The following SDK1 variants were observed in gnomAD, a reference collection of about 807,000 sequenced individuals.
The protein encoded by SDK1 is sidekick cell adhesion molecule 1, also known as protein sidekick-1.
Under a neutral mutation model 245.5 loss-of-function variants are expected in SDK1, and 157 were observed. That is an observed-to-expected ratio of 0.64 (90% CI 0.56 to 0.73). SDK1 has a LOEUF of 0.73. Among genes scored for constraint, SDK1 ranks in the 30% least tolerant of loss-of-function variants. The pLI is 0.00. For synonymous variants in SDK1, 1,647 were observed against 1,278.5 expected (o/e 1.29, Z -6.15); for missense variants, 3,583 against 3,002.3 (o/e 1.19, Z -4.52).
chr7:3,535,625 G>C (rs1042665590), intron 1 of SDK1, among the ~76,000 whole-genome samples: 1 of 152,118 alleles, frequency 6.6e-6, no homozygotes, highest in African/African-American at 2.4e-5. Context: ...CCTTATATTT[G>C]TAATATTCCC....
At chr7:4,230,666 GGGAA>G (rs1348595751) in intron 40 of SDK1, among the ~76,000 whole-genome samples, 1 of 150,940 alleles carries the variant, frequency 6.6e-6, no homozygotes, top group Non-Finnish European at 1.5e-5. Context: ...GATAGCTGGA[GGGAA>G]GGAAGGAAGA....
chr7:3,850,381 A>C (rs1432579008), intron 5 of SDK1, among the ~76,000 whole-genome samples: 1 of 152,232 alleles, frequency 6.6e-6, no homozygotes, highest in Non-Finnish European at 1.5e-5. Flanking sequence ...TCTGGAATGA[A>C]AATAAGATGC....
In SDK1 at chr7:4,049,987, T is replaced by C. The variant is rs190110018; in HGVS notation, c.2718+524T>C. Among the ~76,000 whole-genome samples the C allele has an allele frequency of 9.8e-5, 15 of 152,306 alleles. No individual in the cohort carries two copies. In the East Asian group the frequency reaches 1.5e-3, roughly 16 times the overall value. On this transcript the variant is annotated intron_variant, in intron 18 of 44. Transcript: ENST00000404826. ...AATTTCCATCATCCGACTTCTTGTG[T>C]CTTTAGCTACCAGAGTGTGTTAACT...
At chr7:3,541,649 A>G (rs774871838) in intron 1 of SDK1, among the ~76,000 whole-genome samples, 12 of 152,164 alleles carry the variant, frequency 7.9e-5, no homozygotes, top group Non-Finnish European at 1.6e-4. Flanking sequence ...TCTCTTCCAC[A>G]TGACTGTGTA....
intron 4 of SDK1, among the ~76,000 whole-genome samples, chr7:3,813,524 G>C (rs1455531256): frequency 6.7e-6 from 1 of 148,252 alleles, no homozygotes; most frequent in Non-Finnish European, 1.5e-5. Flanking sequence ...TTGGACATTT[G>C]GGTTGGTTCC....
chr7:4,058,374 A>G (rs933961980), intron 19 of SDK1, among the ~76,000 whole-genome samples: 3 of 152,214 alleles, frequency 2.0e-5, no homozygotes, highest in African/African-American at 7.2e-5. Context: ...AGGAATGAGT[A>G]TTTGAATTTT....
At chr7:3,392,855 A>T (rs1383471127) in intron 1 of SDK1, among the ~76,000 whole-genome samples, 4 of 151,366 alleles carry the variant, frequency 2.6e-5, no homozygotes, top group African/African-American at 4.9e-5. Flanking sequence ...TCGTGTATTC[A>T]TTCATTTGTT....
intron 4 of SDK1, among the ~76,000 whole-genome samples, chr7:3,768,421 A>T (rs1780316962): frequency 1.3e-5 from 2 of 152,234 alleles, no homozygotes; most frequent in South Asian, 2.1e-4. Context: ...TTTAAGGAAA[A>T]TAAATAAAAA....
intron 4 of SDK1, among the ~76,000 whole-genome samples, chr7:3,647,288 CT>C (rs1001360249): frequency 5.9e-5 from 9 of 151,516 alleles, no homozygotes; most frequent in East Asian, 3.9e-4. Flanking sequence ...TTTTAATTGT[CT>C]TTTTTTTTCC....
At chr7:3,678,755 A>C (rs1225458510) in intron 4 of SDK1, among the ~76,000 whole-genome samples, 7 of 152,212 alleles carry the variant, frequency 4.6e-5, no homozygotes, top group Non-Finnish European at 7.4e-5. Flanking sequence ...GAAATTGTAG[A>C]CTTTAAAATC....
chr7:3,741,987 CATATATATATATAT>C (rs142076799), intron 4 of SDK1, among the ~76,000 whole-genome samples: 67 of 132,124 alleles, frequency 5.1e-4, no homozygotes, highest in African/African-American at 1.9e-3. Context: ...TTGTAGTGTG[CATATATATATATAT>C]ATATATATAT....
Position 3,365,701 on chromosome 7 carries a change from A to T in SDK1, c.298+63817A>T, listed in dbSNP as rs541565776. Among the ~76,000 whole-genome samples, 45 of 152,308 alleles carry T rather than the reference A, an allele frequency of 3.0e-4. 1 individual carries two copies. The highest frequency in any genetic ancestry group is 6.0e-4 in the Non-Finnish European group (41 of 68,030). On this transcript the variant is annotated intron_variant, in intron 1 of 44. Coordinates refer to ENST00000404826, the MANE Select transcript of SDK1 (RefSeq NM_152744.4). ...GTCCTTTCAATATATACTGCTGAGGATGTAGAGACAGAACACTGACTTTAG... is the reference window on the plus strand; with the variant it reads ...GTCCTTTCAATATATACTGCTGAGGTTGTAGAGACAGAACACTGACTTTAG...
chr7:3,549,371 A>G (rs1030506860), intron 1 of SDK1, among the ~76,000 whole-genome samples: 1 of 152,242 alleles, frequency 6.6e-6, no homozygotes, highest in South Asian at 2.1e-4. Flanking sequence ...TGTATTGAAG[A>G]GAAATAATCT....
At chr7:3,407,847 A>G (rs770524445) in intron 1 of SDK1, among the ~76,000 whole-genome samples, 2 of 152,176 alleles carry the variant, frequency 1.3e-5, no homozygotes, top group African/African-American at 2.4e-5. Context: ...TTTAACTGCC[A>G]CTTACTGAGT....
intron 1 of SDK1, among the ~76,000 whole-genome samples, chr7:3,447,523 A>G (rs757054405): frequency 1.3e-5 from 2 of 152,064 alleles, no homozygotes; most frequent in Non-Finnish European, 2.9e-5. Context: ...CCATTCTTCT[A>G]GGACAGTATG....
chr7:4,145,665 T>C, intron 28 of SDK1, 57 bp from the exon 29 acceptor site: 1 of 1,469,780 alleles, frequency 6.8e-7, no homozygotes, highest in Non-Finnish European at 9.3e-7. Flanking sequence ...GGCACAGGGC[T>C]TCCCTGTGCC....
Position 4,208,650 on chromosome 7 carries a change from G to A in SDK1, c.5401+365G>A, listed in dbSNP as rs551664794. On this transcript the variant is annotated intron_variant, in intron 37 of 44. Coordinates refer to ENST00000404826, the MANE Select transcript of SDK1 (RefSeq NM_152744.4). ...AGAAATGGAACTTCCCATCAGGGGC[G>A]CCTGATGGCATGTCCAGATCCTTGG... is the stretch of plus-strand genomic sequence containing the variant. 1.7e-4 allele frequency among the ~76,000 whole-genome samples: 26 copies of A among 152,318 alleles called. No individual in the cohort carries two copies. In the South Asian group the frequency reaches 2.5e-3, roughly 15 times the overall value.
intron 1 of SDK1, among the ~76,000 whole-genome samples, chr7:3,424,951 G>A (rs1368859366): frequency 2.6e-5 from 4 of 152,096 alleles, no homozygotes; most frequent in Admixed American, 1.3e-4. Flanking sequence ...AAGAAGAGCA[G>A]CACAATATTT....
chr7:4,149,027 A>T (rs1245478040), intron 29 of SDK1, among the ~76,000 whole-genome samples: 1 of 151,838 alleles, frequency 6.6e-6, no homozygotes. Flanking sequence ...CTGCACTCCA[A>T]CCTGGTGACA....
Sources: allele counts gnomAD v4.1 joint callset (sites outside exome capture counted in the v4.1 genomes callset), GRCh38; gene constraint gnomAD v4.1.1; transcripts MANE v1.5; gene names NCBI Gene and HGNC (gene_info 2026-07-23, HGNC 2026-07-21).